Variants in PCDH9 observed in about 807,000 individuals in gnomAD.
PCDH9 encodes protocadherin-9.
A neutral mutation model predicts 70.6 loss-of-function variants in PCDH9; 24 were observed. That is an observed-to-expected ratio of 0.34 (90% CI 0.25 to 0.48). PCDH9 has a LOEUF of 0.48. Ranked by LOEUF, PCDH9 falls within the 20% of genes least tolerant of loss-of-function variation. The probability of loss-of-function intolerance (pLI) is 0.99; values close to 1 mark genes in which losing one functional copy is unlikely to be tolerated. For synonymous variants in PCDH9, 562 were observed against 558.5 expected (o/e 1.01, Z -0.09); for missense variants, 1,281 against 1,503.6 (o/e 0.85, Z 2.45).
At chr13:66,335,182 T>C (rs1956015610) in intron 4 of PCDH9, among the ~76,000 whole-genome samples, 1 of 152,098 alleles carries the variant, frequency 6.6e-6, no homozygotes, top group African/African-American at 2.4e-5. Flanking sequence ...CAGCAGGACA[T>C]ATAAAAGAAA....
intron 2 of PCDH9, among the ~76,000 whole-genome samples, chr13:66,995,184 C>A (rs75507284): frequency 0.021 from 3,126 of 152,238 alleles, 99 homozygotes; most frequent in African/African-American, 0.072. Flanking sequence ...ATAAATTCAT[C>A]CATGCCTCTC....
chr13:66,700,868 CCT>C (rs1277633173), intron 3 of PCDH9, among the ~76,000 whole-genome samples: 1 of 136,666 alleles, frequency 7.3e-6, no homozygotes, highest in Non-Finnish European at 1.5e-5. Flanking sequence ...GCTTTGAAAT[CCT>C]CTTTCTGAAT....
At chr13:66,495,442 C>T (rs534499301) in intron 4 of PCDH9, among the ~76,000 whole-genome samples, 6 of 152,256 alleles carry the variant, frequency 3.9e-5, no homozygotes, top group South Asian at 2.1e-4. Flanking sequence ...TTTTATTCAA[C>T]GGTATCTCCT....
chr13:66,340,740 G>A (rs1403427555), intron 4 of PCDH9, among the ~76,000 whole-genome samples: 1 of 152,206 alleles, frequency 6.6e-6, no homozygotes, highest in Admixed American at 6.5e-5. Flanking sequence ...ACAAAGAGGT[G>A]AGGTGTTCTG....
chr13:66,561,329 G>A (rs1038079771), intron 4 of PCDH9, among the ~76,000 whole-genome samples: 11 of 152,268 alleles, frequency 7.2e-5, no homozygotes, highest in East Asian at 3.9e-4. Context: ...CTCCTGTGCC[G>A]CCCGAGCCTC....
chr13:66,617,326 G>T (rs937220736), intron 4 of PCDH9, among the ~76,000 whole-genome samples: 1 of 152,094 alleles, frequency 6.6e-6, no homozygotes, highest in African/African-American at 2.4e-5. Context: ...AGAGAACCAC[G>T]GATGCCTGCT....
chr13:66,371,908 TA>T lies in PCDH9; in HGVS notation c.3341-66881del, dbSNP rs773010031. 3.3e-5 allele frequency among the ~76,000 whole-genome samples: 5 copies of T among 152,168 alleles called. No homozygotes were observed. The East Asian group carries it at 7.7e-4, about 24-fold the overall frequency. ...CAGAGAAAAGCTGCAGGAGTTTGCCTAAAAGATTTGTGATCTTCAGGCTCAA... is the reference window on the plus strand; with the variant it reads ...CAGAGAAAAGCTGCAGGAGTTTGCCTAAAGATTTGTGATCTTCAGGCTCAA... On this transcript the variant is annotated intron_variant, in intron 4 of 4. Coordinates refer to ENST00000377865, the MANE Select transcript of PCDH9 (RefSeq NM_203487.3).
At chr13:66,480,981 T>C (rs903826626) in intron 4 of PCDH9, among the ~76,000 whole-genome samples, 1 of 152,084 alleles carries the variant, frequency 6.6e-6, no homozygotes, top group Non-Finnish European at 1.5e-5. Context: ...TGTGCAGCCA[T>C]AACAAAGGAT....
At chr13:67,079,047 C>T (rs917481574) in intron 2 of PCDH9, among the ~76,000 whole-genome samples, 3 of 151,874 alleles carry the variant, frequency 2.0e-5, no homozygotes, top group Non-Finnish European at 2.9e-5. Flanking sequence ...CAGTGGCTCA[C>T]GCCTGTAATC....
At chr13:67,154,194 T>C (rs895219835) in intron 2 of PCDH9, among the ~76,000 whole-genome samples, 1 of 151,982 alleles carries the variant, frequency 6.6e-6, no homozygotes, top group Non-Finnish European at 1.5e-5. Flanking sequence ...GGCTCATGCC[T>C]GTAATCCCAG....
At chr13:66,313,442 CT>C (rs1330100387) in intron 4 of PCDH9, among the ~76,000 whole-genome samples, 2 of 152,126 alleles carry the variant, frequency 1.3e-5, no homozygotes, top group African/African-American at 4.8e-5. Flanking sequence ...AAAGTGCAGA[CT>C]AAGGTGTTAA....
intron 4 of PCDH9, among the ~76,000 whole-genome samples, chr13:66,456,060 T>C (rs1232254153): frequency 2.6e-5 from 4 of 152,168 alleles, no homozygotes; most frequent in Admixed American, 1.3e-4. Context: ...TTTGAAAATA[T>C]TATGTAGTGT....
chr13:66,522,871 T>C (rs1376739165), intron 4 of PCDH9, among the ~76,000 whole-genome samples: 1 of 152,082 alleles, frequency 6.6e-6, no homozygotes, highest in African/African-American at 2.4e-5. Flanking sequence ...GTTATTGTTG[T>C]TGTTTTTTTA....
intron 2 of PCDH9, among the ~76,000 whole-genome samples, chr13:67,118,739 T>C (rs1176866834): frequency 6.6e-6 from 1 of 152,120 alleles, no homozygotes; most frequent in Non-Finnish European, 1.5e-5. Context: ...GAACTCAAGA[T>C]AAAAATTTAA....
intron 2 of PCDH9, among the ~76,000 whole-genome samples, chr13:66,945,120 G>A (rs2083068228): frequency 1.3e-5 from 2 of 151,868 alleles, no homozygotes. Flanking sequence ...CATTTATAAG[G>A]GAAATTTCTA....
intron 2 of PCDH9, among the ~76,000 whole-genome samples, chr13:66,997,099 G>T (rs555878789): frequency 6.6e-6 from 1 of 152,260 alleles, no homozygotes; most frequent in Admixed American, 6.5e-5. Flanking sequence ...ATATCCAAAA[G>T]AAACTTATCC....
intron 3 of PCDH9, among the ~76,000 whole-genome samples, chr13:66,864,034 C>T (rs2081529304): frequency 6.6e-6 from 1 of 151,930 alleles, no homozygotes. Flanking sequence ...GGGGAAAAGC[C>T]CCTTATAAAA....
chr13:66,977,519 G>A (rs991782902), intron 2 of PCDH9: 4 of 152,066 alleles, frequency 2.6e-5, no homozygotes, highest in African/African-American at 9.7e-5. Context: ...GCTTTATTAA[G>A]TTATTGCCCA....
chr13:67,160,618 A>T (rs532326488), intron 2 of PCDH9, among the ~76,000 whole-genome samples: 1 of 151,766 alleles, frequency 6.6e-6, no homozygotes, highest in South Asian at 2.1e-4. Flanking sequence ...AAATACCATG[A>T]TTCAAGACAA....
Sources: allele counts gnomAD v4.1 joint callset (sites outside exome capture counted in the v4.1 genomes callset), GRCh38; gene constraint gnomAD v4.1.1; transcripts MANE v1.5; gene names NCBI Gene and HGNC (gene_info 2026-07-23, HGNC 2026-07-21).